Variants in FAM78B observed in about 807,000 individuals in gnomAD.
FAM78B encodes the protein family with sequence similarity 78 member B.
In FAM78B, 10 loss-of-function variants were observed where a neutral mutation model predicts 20.0. The ratio of observed to expected loss-of-function variants is 0.50; its 90% CI spans 0.31 to 0.85. The LOEUF (loss-of-function observed/expected upper bound fraction) is 0.85. Among genes scored for constraint, FAM78B ranks in the 40% least tolerant of loss-of-function variants. FAM78B has a pLI of 0.05. For synonymous variants in FAM78B, 135 were observed against 132.8 expected (o/e 1.02, Z -0.12); for missense variants, 283 against 345.0 (o/e 0.82, Z 1.42).
chr1:166,135,200 C>T (rs10918373), intron 1 of FAM78B, among the ~76,000 whole-genome samples: 27,398 of 152,066 alleles, frequency 0.18, 2,575 homozygotes, highest in South Asian at 0.3. Flanking sequence ...TGTATCAACA[C>T]GGCTTATAAC....
At chr1:166,135,229 GA>G (rs936293482) in intron 1 of FAM78B, among the ~76,000 whole-genome samples, 7 of 152,094 alleles carry the variant, frequency 4.6e-5, no homozygotes, top group African/African-American at 1.4e-4. Flanking sequence ...AAGAAAAAGT[GA>G]AAAAAAGCAA....
chr1:166,138,015 TTA>T (rs962628519), intron 1 of FAM78B, among the ~76,000 whole-genome samples: 3 of 152,326 alleles, frequency 2.0e-5, no homozygotes, highest in African/African-American at 7.2e-5. Flanking sequence ...TTCTGCCCTC[TTA>T]GATCTCTCTA....
chr1:166,164,457 C>T (rs1656279216), intron 1 of FAM78B, among the ~76,000 whole-genome samples: 1 of 152,192 alleles, frequency 6.6e-6, no homozygotes, highest in Admixed American at 6.5e-5. Flanking sequence ...ATGATTCGCC[C>T]CAAATAAAAT....
Position 166,124,599 on chromosome 1 carries a change from T to C in FAM78B, c.263+41387A>G, listed in dbSNP as rs114973847. 1.0e-2 allele frequency among the ~76,000 whole-genome samples: 1,521 copies of C among 152,282 alleles called. 34 individuals are homozygous for C. The highest frequency in any genetic ancestry group is 0.035 in the African/African-American group (1,436 of 41,554). ...CAGAGCCAAGTTCAAACCCAGGAAG[T>C]GTAGCTCTGAGTTCTGCTTTAGAAA... is the stretch of plus-strand genomic sequence containing the variant. On this transcript the variant is annotated intron_variant, in intron 1 of 1. Coordinates refer to ENST00000354422, the MANE Select transcript of FAM78B (RefSeq NM_001017961.5).
intron 1 of FAM78B, among the ~76,000 whole-genome samples, chr1:166,142,218 T>C (rs889512686): frequency 1.3e-5 from 2 of 152,168 alleles, no homozygotes; most frequent in African/African-American, 2.4e-5. Context: ...AGGGTTAGAC[T>C]GCACTTAAAG....
intron 2 of FAM78B, among the ~76,000 whole-genome samples, chr1:166,061,965 C>T (rs780842603): frequency 4.5e-4 from 69 of 152,162 alleles, no homozygotes; most frequent in Non-Finnish European, 8.8e-4. Flanking sequence ...TGCTTTATGT[C>T]ATCATTATTT....
At chr1:166,129,238 A>C (rs1654779186) in intron 1 of FAM78B, among the ~76,000 whole-genome samples, 1 of 152,254 alleles carries the variant, frequency 6.6e-6, no homozygotes, top group Non-Finnish European at 1.5e-5. Flanking sequence ...ATTAGGAAAA[A>C]GCAGCATATG....
chr1:166,113,545 C>A (rs1421082523), intron 1 of FAM78B, among the ~76,000 whole-genome samples: 2 of 152,218 alleles, frequency 1.3e-5, no homozygotes. Context: ...CCAAGGATAT[C>A]TGCAAACAAA....
At chr1:166,107,041 A>G (rs1291431271) in intron 1 of FAM78B, among the ~76,000 whole-genome samples, 4 of 152,176 alleles carry the variant, frequency 2.6e-5, no homozygotes, top group Non-Finnish European at 5.9e-5. Flanking sequence ...TGCCTACATC[A>G]AAAAGACTGA....
chr1:166,067,760 A>G (rs974103330), downstream of FAM78B, among the ~76,000 whole-genome samples: 29 of 152,230 alleles, frequency 1.9e-4, no homozygotes, highest in Non-Finnish European at 2.5e-4. Context: ...TAGAGTTCAC[A>G]ATGGTACCAA....
At chr1:166,060,658 G>A in exon 3 of FAM78B, 1 of 1,288,332 alleles carries the variant, frequency 7.8e-7, no homozygotes, top group South Asian at 1.2e-5. Flanking sequence ...TGTCCTACTA[G>A]GAGACCTGTA....
intron 1 of FAM78B, among the ~76,000 whole-genome samples, chr1:166,141,707 C>T (rs1207807314): frequency 6.6e-6 from 1 of 152,206 alleles, no homozygotes; most frequent in Admixed American, 6.5e-5. Context: ...CAAAGGCTGA[C>T]TGATAGATAA....
rs753521023 is a variant in FAM78B at position 166,070,659 on chromosome 1, G to A, written c.368C>T (p.Thr123Ile). The A allele has an allele frequency of 1.2e-6, 2 of 1,613,666 alleles. No homozygotes were observed. Among genetic ancestry groups the A allele is most frequent in the Non-Finnish European group, 1.7e-6 (2 of 1,180,012 alleles). ...GATCTTGTTGGTGGGGCCAACCAGGGTCACAGTTTCTGTGGTGTTCCCGTA... is the reference window on the plus strand; with the variant it reads ...GATCTTGTTGGTGGGGCCAACCAGGATCACAGTTTCTGTGGTGTTCCCGTA... Reference protein sequence around the residue: ...PWYGNTTETVTLVGPTNKISR... With the variant: ...PWYGNTTETVILVGPTNKISR... The change falls in exon 2 of 2, where the codon ACC (threonine) becomes ATC (isoleucine). Residue 123 changes from threonine to isoleucine, a missense_variant. Thr to Ile is a moderately conservative substitution (Grantham distance 89). Coordinates refer to ENST00000354422, the MANE Select transcript of FAM78B (RefSeq NM_001017961.5).
chr1:166,161,979 G>A (rs769774399), intron 1 of FAM78B, among the ~76,000 whole-genome samples: 5 of 152,142 alleles, frequency 3.3e-5, no homozygotes, highest in Non-Finnish European at 5.9e-5. Context: ...CCCAAGGAAA[G>A]CATAGAACAA....
At chr1:166,060,753 C>T in intron 2 of FAM78B, 1 of 779,904 alleles carries the variant, frequency 1.3e-6, no homozygotes, top group East Asian at 6.7e-5. Flanking sequence ...TGGTCATGAT[C>T]TGGGCTCCAT....
At chr1:166,164,888 C>G (rs1656300553) in intron 1 of FAM78B, 1 of 152,212 alleles carries the variant, frequency 6.6e-6, no homozygotes, top group African/African-American at 2.4e-5. Flanking sequence ...TTAGGGTGTT[C>G]TAGACCTACA....
intron 1 of FAM78B, among the ~76,000 whole-genome samples, chr1:166,165,656 G>A (rs1571220310): frequency 2.0e-5 from 3 of 152,026 alleles, no homozygotes; most frequent in East Asian, 1.9e-4. Context: ...CACAGACGGC[G>A]CCCTGAAACT....
chr1:166,111,206 C>T (rs1344186783), intron 1 of FAM78B, among the ~76,000 whole-genome samples: 1 of 152,178 alleles, frequency 6.6e-6, no homozygotes. Flanking sequence ...TGGCTAGGAT[C>T]CATCCGGATT....
At chr1:166,085,442 C>T (rs918291788) in intron 1 of FAM78B, among the ~76,000 whole-genome samples, 1 of 152,190 alleles carries the variant, frequency 6.6e-6, no homozygotes, top group South Asian at 2.1e-4. Flanking sequence ...GACAGCACTT[C>T]CTGCAATTTA....
Sources: allele counts gnomAD v4.1 joint callset (sites outside exome capture counted in the v4.1 genomes callset), GRCh38; gene constraint gnomAD v4.1.1; transcripts MANE v1.5; gene names NCBI Gene and HGNC (gene_info 2026-07-23, HGNC 2026-07-21).